The following PTPRD variants were observed in gnomAD, a reference collection of about 807,000 sequenced individuals.
The protein encoded by PTPRD is protein tyrosine phosphatase receptor type D.
Under a neutral mutation model 214.5 loss-of-function variants are expected in PTPRD, and 34 were observed. The observed-to-expected ratio is 0.16, with a 90% CI of 0.12 to 0.21. PTPRD has a LOEUF of 0.21. Among genes scored for constraint, PTPRD ranks in the 10% least tolerant of loss-of-function variants. PTPRD has a pLI of 1.00. For missense variants in PTPRD, 2,545 were observed against 2,398.7 expected (o/e 1.06, Z -1.27); for synonymous variants, 1,128 against 845.7 (o/e 1.33, Z -5.79).
At chr9:9,397,912 C>T (rs560760806) in intron 8 of PTPRD, among the ~76,000 whole-genome samples, 9 of 151,922 alleles carry the variant, frequency 5.9e-5, no homozygotes, top group Non-Finnish European at 1.3e-4. Flanking sequence ...CTCTTTGTTG[C>T]CTACCTAAAA....
intron 2 of PTPRD, among the ~76,000 whole-genome samples, chr9:10,473,617 G>T (rs1010179442): frequency 6.6e-6 from 1 of 152,002 alleles, no homozygotes; most frequent in Non-Finnish European, 1.5e-5. Context: ...GTTGATTTTT[G>T]AGTAGGTACA....
chr9:8,995,903 G>C (rs983082523), intron 11 of PTPRD, among the ~76,000 whole-genome samples: 3 of 152,058 alleles, frequency 2.0e-5, no homozygotes, highest in African/African-American at 7.2e-5. Context: ...CTTCCTTTTA[G>C]TAAACGTACT....
chr9:9,074,765 T>A (rs1350043635), intron 10 of PTPRD, among the ~76,000 whole-genome samples: 1 of 151,910 alleles, frequency 6.6e-6, no homozygotes, highest in Non-Finnish European at 1.5e-5. Context: ...TGATTATTAA[T>A]CCCTCATGAG....
At chr9:8,601,881 C>G (rs12685150) in intron 14 of PTPRD, among the ~76,000 whole-genome samples, 22,375 of 152,048 alleles carry the variant, frequency 0.15, 1,659 homozygotes, top group Middle Eastern at 0.21. Context: ...AGTCATTGTG[C>G]CAGATTGGGG....
rs369822029 is a variant in PTPRD at position 8,366,422 on chromosome 9, G to A, written c.4661+9514C>T. 3.2e-4 allele frequency among the ~76,000 whole-genome samples: 48 copies of A among 152,228 alleles called. No individual in the cohort carries two copies. In the South Asian group the frequency reaches 9.6e-3, roughly 30 times the overall value. ...GGGAAGTGGAAGAGGTATTGAGGGAGGTGAGATGGGAAGAGACAGAAAAAG... is the reference window on the plus strand; with the variant it reads ...GGGAAGTGGAAGAGGTATTGAGGGAAGTGAGATGGGAAGAGACAGAAAAAG... On this transcript the variant is annotated intron_variant, in intron 39 of 45. Coordinates refer to ENST00000381196, the MANE Select transcript of PTPRD (RefSeq NM_002839.4).
At chr9:8,768,016 G>A (rs990436439) in intron 11 of PTPRD, among the ~76,000 whole-genome samples, 1 of 152,166 alleles carries the variant, frequency 6.6e-6, no homozygotes, top group East Asian at 1.9e-4. Context: ...CAGAGGGAAA[G>A]AAAATATTTC....
chr9:8,742,708 C>A (rs1598479320), intron 11 of PTPRD, among the ~76,000 whole-genome samples: 1 of 152,234 alleles, frequency 6.6e-6, no homozygotes, highest in East Asian at 1.9e-4. Context: ...GATCTCTTTT[C>A]CTTAGGATTA....
chr9:9,284,144 T>C (rs2133756875), intron 9 of PTPRD, among the ~76,000 whole-genome samples: 1 of 151,792 alleles, frequency 6.6e-6, no homozygotes, highest in African/African-American at 2.4e-5. Flanking sequence ...CTTAATTTAA[T>C]TAAACGTAAA....
Position 10,014,907 on chromosome 9 carries a change from G to A in PTPRD, c.-472+18811C>T, listed in dbSNP as rs114416733. Among the ~76,000 whole-genome samples the A allele has an allele frequency of 3.1e-3, 471 of 152,094 alleles. 3 individuals carry two copies. The highest frequency in any genetic ancestry group is 0.011 in the African/African-American group (445 of 41,544). On this transcript the variant is annotated intron_variant, in intron 4 of 45. Coordinates refer to ENST00000381196, the MANE Select transcript of PTPRD (RefSeq NM_002839.4). ...CCACTTTATGGGGCATTTAAAAACC[G>A]CTTCAGTTAGCACTTCCCCTCATTG...
chr9:8,481,139 CAAAAAA>C (rs34451513), intron 30 of PTPRD, among the ~76,000 whole-genome samples: 1 of 39,462 alleles, frequency 2.5e-5, no homozygotes, highest in Non-Finnish European at 4.6e-5. Context: ...GACTCCGTCT[CAAAAAA>C]AAAAAAAAAA....
chr9:9,098,713 C>T lies in PTPRD; in HGVS notation c.-142-79978G>A, dbSNP rs184576030. ...TCTTGGCAACTATGTGGATCTTACA[C>T]GCTATTGGAGAAAATACAAATGGAT... is the stretch of plus-strand genomic sequence containing the variant. On this transcript the variant is annotated intron_variant, in intron 10 of 45. Coordinates refer to ENST00000381196, the MANE Select transcript of PTPRD (RefSeq NM_002839.4). Among the ~76,000 whole-genome samples the T allele has an allele frequency of 3.3e-5, 5 of 152,188 alleles. No homozygotes were observed. In the East Asian group the frequency reaches 7.7e-4, roughly 24 times the overall value.
chr9:8,779,037 G>T (rs2095594072), intron 11 of PTPRD, among the ~76,000 whole-genome samples: 2 of 152,102 alleles, frequency 1.3e-5, no homozygotes, highest in Non-Finnish European at 1.5e-5. Flanking sequence ...GAAACGTAAA[G>T]CTCAAAGGGA....
chr9:8,981,774 A>C (rs114020234), intron 11 of PTPRD, among the ~76,000 whole-genome samples: 2,854 of 152,154 alleles, frequency 0.019, 91 homozygotes, highest in African/African-American at 0.064. Context: ...ATAATTGCAA[A>C]ATACTATGCA....
intron 6 of PTPRD, among the ~76,000 whole-genome samples, chr9:9,742,706 C>T (rs1413061985): frequency 6.6e-6 from 1 of 152,028 alleles, no homozygotes; most frequent in Non-Finnish European, 1.5e-5. Context: ...ATATGTAACA[C>T]AAGACTTTTA....
chr9:9,676,750 A>G (rs988481320), intron 7 of PTPRD, among the ~76,000 whole-genome samples: 1 of 152,092 alleles, frequency 6.6e-6, no homozygotes, highest in Admixed American at 6.6e-5. Context: ...CCAACGTGTA[A>G]AAGTGTTCCT....
chr9:9,013,657 G>A (rs1400654786), intron 11 of PTPRD, among the ~76,000 whole-genome samples: 1 of 152,110 alleles, frequency 6.6e-6, no homozygotes, highest in Non-Finnish European at 1.5e-5. Flanking sequence ...ATGACCAAGT[G>A]TATGGGCATT....
rs575242841 is a variant in PTPRD, at chr9:8,911,914, C to T, written c.-104+106783G>A. Among the ~76,000 whole-genome samples the T allele has an allele frequency of 1.4e-3, 215 of 152,172 alleles. 1 individual carries two copies. Among genetic ancestry groups the T allele is most frequent in the Middle Eastern group, 6.8e-3 (2 of 294 alleles). ...ATGATTAATAAAAAAATTCTCGCTT[C>T]GTTAGTCATTAGATAAATGCCCATT... On this transcript the variant is annotated intron_variant, in intron 11 of 45. Transcript: ENST00000381196.
chr9:9,735,609 A>C (rs1159423821), intron 6 of PTPRD, among the ~76,000 whole-genome samples: 1 of 152,090 alleles, frequency 6.6e-6, no homozygotes. Context: ...AATCATCCCG[A>C]AGGAAGCTAT....
chr9:8,479,684 G>C (rs2096839955), intron 30 of PTPRD, among the ~76,000 whole-genome samples: 1 of 152,210 alleles, frequency 6.6e-6, no homozygotes, highest in South Asian at 2.1e-4. Flanking sequence ...ACACATTCTA[G>C]CAACACAATT....
Sources: allele counts gnomAD v4.1 joint callset (sites outside exome capture counted in the v4.1 genomes callset), GRCh38; gene constraint gnomAD v4.1.1; transcripts MANE v1.5; gene names NCBI Gene and HGNC (gene_info 2026-07-23, HGNC 2026-07-21).